The following AGBL4 variants were observed in gnomAD, a reference collection of about 807,000 sequenced individuals.
AGBL4 encodes the protein cytosolic carboxypeptidase 6.
AGBL4 carries 58 observed loss-of-function variants against 66.4 expected under a neutral mutation model. The ratio of observed to expected loss-of-function variants is 0.87; its 90% CI spans 0.71 to 1.09. The LOEUF (loss-of-function observed/expected upper bound fraction) is 1.09, where lower values mean the gene tolerates loss of function less well. Ranked by LOEUF, AGBL4 falls within the 50% of genes least tolerant of loss-of-function variation. AGBL4 has a pLI of 0.00. For missense variants in AGBL4, 579 were observed against 631.0 expected (o/e 0.92, Z 0.88); for synonymous variants, 234 against 222.9 (o/e 1.05, Z -0.44).
chr1:49,523,705 G>C (rs1650438524), intron 3 of AGBL4, among the ~76,000 whole-genome samples: 1 of 152,040 alleles, frequency 6.6e-6, no homozygotes, highest in Non-Finnish European at 1.5e-5. Context: ...TGTAAAATCA[G>C]ATAACTTCAT....
chr1:48,535,227 G>C (rs1434359529), intron 12 of AGBL4, among the ~76,000 whole-genome samples: 1 of 152,080 alleles, frequency 6.6e-6, no homozygotes, highest in African/African-American at 2.4e-5. Flanking sequence ...GGGGACACGA[G>C]AGAGCAAGGA....
chr1:49,412,131 T>C (rs1645328804), intron 3 of AGBL4, among the ~76,000 whole-genome samples: 1 of 152,176 alleles, frequency 6.6e-6, no homozygotes, highest in Non-Finnish European at 1.5e-5. Context: ...ATAAAATGAA[T>C]GCTTCTTAGT....
intron 6 of AGBL4, among the ~76,000 whole-genome samples, chr1:48,836,634 T>A (rs900865152): frequency 2.6e-5 from 4 of 152,162 alleles, no homozygotes; most frequent in East Asian, 3.9e-4. Context: ...TAACAAAAAA[T>A]CAGTGTCAGA....
At chr1:49,398,333 TTCTCTCTC>T (rs36025670) in intron 3 of AGBL4, among the ~76,000 whole-genome samples, 140 of 143,698 alleles carry the variant, frequency 9.7e-4, no homozygotes, top group Middle Eastern at 3.6e-3. Flanking sequence ...CTCTCTCTCT[TTCTCTCTC>T]TCTCTCTCTC....
chr1:49,101,082 C>T (rs528523042), intron 4 of AGBL4, among the ~76,000 whole-genome samples: 1 of 152,250 alleles, frequency 6.6e-6, no homozygotes, highest in South Asian at 2.1e-4. Flanking sequence ...AAGACTCAGA[C>T]CTACAGGTTC....
At chr1:49,227,883 C>T (rs1405536740) in intron 4 of AGBL4, among the ~76,000 whole-genome samples, 1 of 152,116 alleles carries the variant, frequency 6.6e-6, no homozygotes, top group African/African-American at 2.4e-5. Flanking sequence ...CTTGGAGTTC[C>T]TGTTCAAGAG....
chr1:48,943,224 C>A (rs145579914), intron 5 of AGBL4, among the ~76,000 whole-genome samples: 1 of 152,286 alleles, frequency 6.6e-6, no homozygotes, highest in Admixed American at 6.5e-5. Flanking sequence ...CCCATAGCGC[C>A]TAAATCCAGT....
intron 3 of AGBL4, among the ~76,000 whole-genome samples, chr1:49,382,299 C>T (rs1644634760): frequency 6.6e-6 from 1 of 151,946 alleles, no homozygotes; most frequent in Non-Finnish European, 1.5e-5. Context: ...TCATTGTTTA[C>T]CAAATGCACA....
At chr1:49,418,662 C>T (rs139470799) in intron 3 of AGBL4, among the ~76,000 whole-genome samples, 2 of 152,238 alleles carry the variant, frequency 1.3e-5, no homozygotes, top group African/African-American at 4.8e-5. Context: ...AGGAGAACAG[C>T]CTGTGATCCC....
intron 6 of AGBL4, among the ~76,000 whole-genome samples, chr1:48,783,911 A>G (rs1265744840): frequency 6.6e-6 from 1 of 152,222 alleles, no homozygotes; most frequent in Non-Finnish European, 1.5e-5. Context: ...CAGGAAAAAT[A>G]TATAGGGATC....
chr1:49,204,251 C>G (rs1016295037), intron 4 of AGBL4, among the ~76,000 whole-genome samples: 1 of 152,016 alleles, frequency 6.6e-6, no homozygotes, highest in African/African-American at 2.4e-5. Context: ...CCATAGATAA[C>G]TGGAAACTAT....
chr1:49,154,871 G>A (rs897744606), intron 4 of AGBL4, among the ~76,000 whole-genome samples: 5 of 151,984 alleles, frequency 3.3e-5, no homozygotes, highest in Admixed American at 3.3e-4. Context: ...AGGTTTTATT[G>A]CCCACACAAT....
chr1:49,067,443 C>G (rs1196301299), intron 4 of AGBL4, among the ~76,000 whole-genome samples: 1 of 152,160 alleles, frequency 6.6e-6, no homozygotes, highest in Admixed American at 6.5e-5. Flanking sequence ...TTTTTGCTTG[C>G]TCTGCTTAGC....
At chr1:49,293,927 G>A (rs1232226896) in intron 3 of AGBL4, among the ~76,000 whole-genome samples, 1 of 152,162 alleles carries the variant, frequency 6.6e-6, no homozygotes, top group Non-Finnish European at 1.5e-5. Flanking sequence ...ATATTACAAA[G>A]CCCTATTAGT....
intron 4 of AGBL4, among the ~76,000 whole-genome samples, chr1:49,182,174 G>A (rs1447562797): frequency 2.0e-5 from 3 of 152,332 alleles, no homozygotes; most frequent in Non-Finnish European, 4.4e-5. Flanking sequence ...AGTGAAGAAT[G>A]ACCATCCTTA....
intron 1 of AGBL4, among the ~76,000 whole-genome samples, chr1:49,880,530 G>A: frequency 6.6e-6 from 1 of 152,066 alleles, no homozygotes; most frequent in South Asian, 2.1e-4. Flanking sequence ...CAGATCTCCA[G>A]CTGCGTGCTG....
At chr1:49,800,181 A>G (rs904069214) in intron 2 of AGBL4, among the ~76,000 whole-genome samples, 3 of 152,102 alleles carry the variant, frequency 2.0e-5, no homozygotes, top group Admixed American at 6.5e-5. Flanking sequence ...GAGTGCAGGT[A>G]GGGGCTGTGA....
chr1:49,439,040 T>C (rs558716643), intron 3 of AGBL4, among the ~76,000 whole-genome samples: 3 of 152,274 alleles, frequency 2.0e-5, no homozygotes, highest in East Asian at 3.9e-4. Context: ...GTTACAATGG[T>C]AATTAAATTT....
intron 9 of AGBL4, among the ~76,000 whole-genome samples, chr1:48,614,525 G>A (rs1645288223): frequency 6.6e-6 from 1 of 152,182 alleles, no homozygotes; most frequent in Non-Finnish European, 1.5e-5. Flanking sequence ...AATCAAATGA[G>A]GATAATCTAG....
Sources: allele counts gnomAD v4.1 joint callset (sites outside exome capture counted in the v4.1 genomes callset), GRCh38; gene constraint gnomAD v4.1.1; transcripts MANE v1.5; gene names NCBI Gene and HGNC (gene_info 2026-07-23, HGNC 2026-07-21).